The following SAMD4B variants were observed in gnomAD, a reference collection of about 807,000 sequenced individuals.
SAMD4B encodes the protein protein Smaug homolog 2.
SAMD4B carries 5 observed loss-of-function variants against 74.5 expected under a neutral mutation model. The ratio of observed to expected loss-of-function variants is 0.07; its 90% CI spans 0.04 to 0.14. SAMD4B has a LOEUF of 0.14. SAMD4B is among the 10% of genes least tolerant of loss of function. SAMD4B has a pLI of 1.00. For synonymous variants in SAMD4B, 373 were observed against 374.9 expected (o/e 1.00, Z 0.06); for missense variants, 608 against 921.8 (o/e 0.66, Z 4.41).
intron 5 of SAMD4B, 115 bp downstream of exon 5, chr19:39,376,004 T>A: frequency 7.4e-7 from 1 of 1,354,202 alleles, no homozygotes; most frequent in Non-Finnish European, 1.0e-6. Flanking sequence ...GGGACATGTC[T>A]GAGGGGAGTA....
intron 2 of SAMD4B, among the ~76,000 whole-genome samples, chr19:39,355,728 A>T (rs1244191202): frequency 6.6e-6 from 1 of 152,198 alleles, no homozygotes; most frequent in Non-Finnish European, 1.5e-5. Context: ...CAGTTGAAAT[A>T]ACTTTTCTTT....
In SAMD4B at chr19:39,376,008, G is replaced by C. The variant is rs904433869; in HGVS notation, c.907+119G>C. On this transcript the variant is annotated intron_variant, in intron 5 of 13. Transcript: ENST00000610417. ...CCTCTGAGGAGGGGACATGTCTGAG[G>C]GGAGTAGATAGTCCCTGCTTTTAGG... 14 of 1,332,568 alleles carry C rather than the reference G, an allele frequency of 1.1e-5. No homozygotes were observed. In the African/African-American group the frequency reaches 2.1e-4, roughly 20 times the overall value. The allele number at this position is 1,332,568 out of a possible 1,614,324, so 82.5% of individuals were successfully genotyped here.
chr19:39,367,578 G>A (rs1380790163), intron 3 of SAMD4B, among the ~76,000 whole-genome samples: 6 of 144,796 alleles, frequency 4.1e-5, no homozygotes, highest in African/African-American at 1.3e-4. Context: ...GCGCGATCTC[G>A]GCTCACTGCA....
chr19:39,380,749 C>A lies in SAMD4B; in HGVS notation c.1812C>A (p.Ala604=). The A allele has an allele frequency of 6.3e-7, 1 of 1,582,850 alleles. No individual in the cohort carries two copies. The highest frequency in any genetic ancestry group is 2.3e-5 in the East Asian group (1 of 44,268). Residue 604 remains alanine, a synonymous_variant, in exon 11 of 14, where the codon GCC becomes GCA. Transcript: ENST00000610417. ...SGIGGVSPRH[A]LTSPSLGGQG... ...TTGGGGGTGTCTCCCCTCGACATGC[C>A]CTCACCAGCCCCAGCCTTGGAGGCC...
chr19:39,373,736 C>A (rs984847439), intron 4 of SAMD4B, among the ~76,000 whole-genome samples: 3 of 150,386 alleles, frequency 2.0e-5, no homozygotes, highest in African/African-American at 7.3e-5. Flanking sequence ...CCAAGGCAGG[C>A]GGATCACCTG....
At chr19:39,349,808 TG>T (rs2075922273) in intron 1 of SAMD4B, 1 of 152,292 alleles carries the variant, frequency 6.6e-6, no homozygotes, top group Non-Finnish European at 1.5e-5. Flanking sequence ...ACTTTCACCT[TG>T]TTGCCCAGGC....
rs188786978 is a variant in SAMD4B, at chr19:39,364,591, C to T, written c.197-5064C>T. ...TTTATTTTCATTCTTGACTTTCTGT[C>T]CCTAATGGGAATCACTGTCTTTCTT... On this transcript the variant is annotated intron_variant, in intron 3 of 13. Transcript: ENST00000610417. 2.0e-5 allele frequency among the ~76,000 whole-genome samples: 3 copies of T among 152,194 alleles called. No individual in the cohort carries two copies. The East Asian group carries it at 5.8e-4, about 29-fold the overall frequency.
chr19:39,353,691 TC>T (rs1290371209), intron 1 of SAMD4B, among the ~76,000 whole-genome samples: 1 of 152,082 alleles, frequency 6.6e-6, no homozygotes, highest in Non-Finnish European at 1.5e-5. Context: ...AGCCTCCACC[TC>T]CCGGGTTCAA....
intron 12 of SAMD4B, chr19:39,381,417 CTCTT>C (rs1243414625): frequency 4.8e-5 from 13 of 268,238 alleles, no homozygotes; most frequent in Admixed American, 4.0e-4. Flanking sequence ...TTGTCATCAT[CTCTT>C]TCTTTACAGG....
Position 39,376,566 on chromosome 19 carries a change from C to A in SAMD4B, c.1017+20C>A, listed in dbSNP as rs1250439612. On this transcript the variant is annotated intron_variant, in intron 6 of 13. Coordinates refer to ENST00000610417, the MANE Select transcript of SAMD4B (RefSeq NM_001384574.2). ...TCTCAGGTGAAGCCAAGGGGACCAT[C>A]AGGGAGGTGCTGGGGGCAGCGCTAG... The A allele has an allele frequency of 2.5e-6, 4 of 1,603,676 alleles. No individual in the cohort carries two copies. The highest frequency in any genetic ancestry group is 2.6e-6 in the Non-Finnish European group (3 of 1,171,510).
intron 3 of SAMD4B, among the ~76,000 whole-genome samples, chr19:39,364,036 C>T (rs542989391): frequency 2.0e-4 from 31 of 152,316 alleles, no homozygotes; most frequent in African/African-American, 7.0e-4. Flanking sequence ...ATGGGAGGCC[C>T]GCCCTCCCCA....
intron 12 of SAMD4B, among the ~76,000 whole-genome samples, chr19:39,382,430 A>G (rs77528322): frequency 2.0e-5 from 3 of 150,936 alleles, no homozygotes; most frequent in Non-Finnish European, 4.4e-5. Flanking sequence ...GCCCAAGTTC[A>G]AAAAAAAAAT....
intron 3 of SAMD4B, among the ~76,000 whole-genome samples, chr19:39,358,602 T>TAA (rs35430173): frequency 8.4e-5 from 11 of 130,448 alleles, no homozygotes; most frequent in South Asian, 7.2e-4. Flanking sequence ...GTAACCTCAG[T>TAA]AAAAAAAAAA....
rs573695561 is a variant in SAMD4B, at chr19:39,381,703, G to C, written c.1972+590G>C. 4.6e-5 allele frequency among the ~76,000 whole-genome samples: 7 copies of C among 152,292 alleles called. No individual in the cohort carries two copies. In the East Asian group the frequency reaches 1.4e-3, roughly 29 times the overall value. ...CACACCTGTAATTTCAGCACTTTTG[G>C]GAAGCTGAGGCAAGTAGATCGGTTT... On this transcript the variant is annotated intron_variant, in intron 12 of 13. Transcript: ENST00000610417.
Position 39,375,986 on chromosome 19 carries a change from C to CCTCAGAGGGG in SAMD4B, c.907+97_907+98insCTCAGAGGGG. 2 of 1,491,086 alleles carry CCTCAGAGGGG rather than the reference C, an allele frequency of 1.3e-6. No individual in the cohort carries two copies. Among genetic ancestry groups the CCTCAGAGGGG allele is most frequent in the Non-Finnish European group, 1.8e-6 (2 of 1,108,902 alleles). The allele number at this position is 1,491,086 out of a possible 1,614,324, so 92.4% of individuals were successfully genotyped here. On this transcript the variant is annotated intron_variant, in intron 5 of 13. Coordinates refer to ENST00000610417, the MANE Select transcript of SAMD4B (RefSeq NM_001384574.2). This position sits in a 1 kb window ranked among gnomAD's most constrained non-coding sequence, Gnocchi z 4.1. ...TTGTAGCTGACACCTGCTTACCCCTCTGAGGAGGGGACATGTCTGAGGGGA... is the reference window on the plus strand; with the variant it reads ...TTGTAGCTGACACCTGCTTACCCCTCCTCAGAGGGGTGAGGAGGGGACATGTCTGAGGGGA...
chr19:39,383,931 T>C lies in SAMD4B; in HGVS notation c.*404T>C. 1 of 568,610 alleles carries C rather than the reference T, an allele frequency of 1.8e-6. No homozygotes were observed. Among genetic ancestry groups the C allele is most frequent in the East Asian group, 2.8e-5 (1 of 35,156 alleles). The allele number at this position is 568,610 out of a possible 1,614,324, so 35.2% of individuals were successfully genotyped here. On this transcript the variant is annotated 3_prime_UTR_variant, in exon 14 of 14. Transcript: ENST00000610417. The surrounding 1 kb of genome is among the most constrained non-coding windows in gnomAD (Gnocchi z 4.1). ...ACCTTGTGGAGCCTGCTCAGAAACA[T>C]TTGACATTTGGGGTGACGCGCAGGG...
chr19:39,386,721 G>T (rs765947355), downstream of SAMD4B: 7 of 1,613,836 alleles, frequency 4.3e-6, no homozygotes, highest in Non-Finnish European at 5.1e-6. The surrounding 1 kb of genome is among the most constrained non-coding windows in gnomAD (Gnocchi z 6.1). Flanking sequence ...TCTCATTCAT[G>T]TCCCGATGTT....
intron 4 of SAMD4B, among the ~76,000 whole-genome samples, chr19:39,370,764 A>G (rs774761102): frequency 6.6e-6 from 1 of 152,266 alleles, no homozygotes; most frequent in Non-Finnish European, 1.5e-5. Context: ...AATAGTAGGT[A>G]GCATTTTTCA....
chr19:39,378,626 C>T lies in SAMD4B; in HGVS notation c.1530+37C>T, dbSNP rs371243402. 9.6e-5 allele frequency: 153 copies of T among 1,590,104 alleles called. 3 individuals carry two copies. In the South Asian group the frequency reaches 1.4e-3, roughly 15 times the overall value. ...CCTAGCATACTCAAAAAGGGAAAGGCGGCCAGGCGTGGTGGTTCACGCCTG... is the reference window on the plus strand; with the variant it reads ...CCTAGCATACTCAAAAAGGGAAAGGTGGCCAGGCGTGGTGGTTCACGCCTG... On this transcript the variant is annotated intron_variant, in intron 9 of 13. Coordinates refer to ENST00000610417, the MANE Select transcript of SAMD4B (RefSeq NM_001384574.2). This position sits in a 1 kb window ranked among gnomAD's most constrained non-coding sequence, Gnocchi z 4.4.
Sources: gnomAD v4.1 joint callset for allele counts (sites outside exome capture counted in the v4.1 genomes callset) on GRCh38, gnomAD v4.1.1 for gene constraint, Gnocchi (gnomAD v3.1) non-coding constraint, MANE v1.5 for transcripts, NCBI Gene and HGNC (gene_info 2026-07-23, HGNC 2026-07-21) for gene names.